Variants in AMOTL1 observed in about 807,000 individuals in gnomAD.
AMOTL1 encodes the protein angiomotin-like protein 1.
Under a neutral mutation model 102.9 loss-of-function variants are expected in AMOTL1, and 45 were observed. The ratio of observed to expected loss-of-function variants is 0.44; its 90% CI spans 0.34 to 0.56. AMOTL1 has a LOEUF of 0.56. Among genes scored for constraint, AMOTL1 ranks in the 20% least tolerant of loss-of-function variants. The probability of loss-of-function intolerance (pLI) is 0.01; values close to 1 mark genes in which losing one functional copy is unlikely to be tolerated. For synonymous variants in AMOTL1, 481 were observed against 484.7 expected (o/e 0.99, Z 0.10); for missense variants, 1,114 against 1,225.6 (o/e 0.91, Z 1.36).
chr11:94,839,972 T>A (rs1952263121), intron 6 of AMOTL1, among the ~76,000 whole-genome samples: 1 of 152,212 alleles, frequency 6.6e-6, no homozygotes, highest in South Asian at 2.1e-4. Context: ...GGCTTTTACA[T>A]CTATGTTTGA....
At chr11:94,830,921 G>A (rs887747982) in intron 5 of AMOTL1, among the ~76,000 whole-genome samples, 2 of 152,236 alleles carry the variant, frequency 1.3e-5, no homozygotes, top group African/African-American at 2.4e-5. Flanking sequence ...TACTTGTTGA[G>A]TTGGATTATT....
chr11:94,761,298 C>T (rs543955830), intron 3 of AMOTL1, among the ~76,000 whole-genome samples: 1 of 151,412 alleles, frequency 6.6e-6, no homozygotes, highest in Admixed American at 6.6e-5. Context: ...AAGTGATTTT[C>T]CTGCCTCCGT....
intron 6 of AMOTL1, among the ~76,000 whole-genome samples, chr11:94,841,566 C>T (rs1331687724): frequency 6.6e-6 from 1 of 152,182 alleles, no homozygotes; most frequent in Admixed American, 6.5e-5. Context: ...TGTATATAGT[C>T]GAAACCAAGA....
rs114712598 is a variant in AMOTL1 at position 94,850,446 on chromosome 11, C to A, written c.1794+187C>A. Among the ~76,000 whole-genome samples, 441 of 152,298 alleles carry A rather than the reference C, an allele frequency of 2.9e-3. 3 individuals are homozygous for A. Among genetic ancestry groups the A allele is most frequent in the African/African-American group, 0.01 (422 of 41,552 alleles). ...AGAGTCTATGCATTCTAGAGCCAGG[C>A]AAAGTATGAAAAGCACATGGGAATC... On this transcript the variant is annotated intron_variant, in intron 7 of 12. Transcript: ENST00000433060.
chr11:94,718,517 T>A (rs1266682325), intron 1 of AMOTL1, among the ~76,000 whole-genome samples: 1 of 152,010 alleles, frequency 6.6e-6, no homozygotes, highest in East Asian at 1.9e-4. Context: ...ATTTAAAAAC[T>A]GTTTTTAGCA....
chr11:94,806,337 T>C (rs1028045454), intron 3 of AMOTL1, among the ~76,000 whole-genome samples: 1 of 152,234 alleles, frequency 6.6e-6, no homozygotes. Context: ...GATGGTCCTG[T>C]CTTACTTTGT....
chr11:94,866,623 C>A, intron 11 of AMOTL1: 1 of 181,260 alleles, frequency 5.5e-6, no homozygotes, highest in Non-Finnish European at 1.2e-5. Flanking sequence ...AGAGTGTCTG[C>A]CTGCTTTACC....
chr11:94,845,900 T>G (rs1477109602), intron 6 of AMOTL1, among the ~76,000 whole-genome samples: 1 of 152,226 alleles, frequency 6.6e-6, no homozygotes, highest in African/African-American at 2.4e-5. Context: ...TCAACTTGCC[T>G]GTTCTAGGAA....
At chr11:94,763,531 A>C (rs149135771), upstream of AMOTL1, among the ~76,000 whole-genome samples, 2,321 of 152,296 alleles carry the variant, frequency 0.015, 33 homozygotes, top group Non-Finnish European at 0.022. Context: ...TGAAAATCCA[A>C]ATATAACTTC....
chr11:94,708,141 T>C (rs1358233292), intron 1 of AMOTL1, among the ~76,000 whole-genome samples: 1 of 152,202 alleles, frequency 6.6e-6, no homozygotes, highest in Non-Finnish European at 1.5e-5. Context: ...GTTATTGCAT[T>C]ATCCCCTTAG....
Position 94,875,232 on chromosome 11 carries a change from A to G in AMOTL1, c.*4437A>G, listed in dbSNP as rs1953075583. 1 of 152,256 alleles carries G rather than the reference A, an allele frequency of 6.6e-6. No individual in the cohort carries two copies. The highest frequency in any genetic ancestry group is 6.5e-5 in the Admixed American group (1 of 15,292). The allele number at this position is 152,256 out of a possible 1,614,324, so 9.4% of individuals were successfully genotyped here. Reference sequence around the variant, plus strand: ...ATGGGAGATAGGCAAAGTAATTAAGAAGTTACCAGAAATTGGTCGGCTGGG... The same window carrying G: ...ATGGGAGATAGGCAAAGTAATTAAGGAGTTACCAGAAATTGGTCGGCTGGG... On this transcript the variant is annotated 3_prime_UTR_variant, in exon 13 of 13. Transcript: ENST00000433060.
intron 1 of AMOTL1, among the ~76,000 whole-genome samples, chr11:94,716,675 G>A (rs1476126627): frequency 6.6e-6 from 1 of 152,086 alleles, no homozygotes; most frequent in African/African-American, 2.4e-5. Flanking sequence ...AGGAAGGGAC[G>A]GGTCCTGTTC....
intron 3 of AMOTL1, among the ~76,000 whole-genome samples, chr11:94,818,950 G>A (rs1951813996): frequency 6.6e-6 from 1 of 152,122 alleles, no homozygotes; most frequent in Admixed American, 6.5e-5. Context: ...GTGGACTTCA[G>A]ATAATATGGC....
chr11:94,845,547 C>T (rs1952393670), intron 6 of AMOTL1, among the ~76,000 whole-genome samples: 2 of 152,180 alleles, frequency 1.3e-5, no homozygotes, highest in African/African-American at 4.8e-5. Flanking sequence ...TACTATGTGC[C>T]AAGTCCTGTG....
Position 94,864,722 on chromosome 11 carries a change from C to T in AMOTL1, c.2136-13C>T. On this transcript the variant is annotated splice_polypyrimidine_tract_variant and intron_variant, in intron 9 of 12. Transcript: ENST00000433060. The stretch of plus-strand genomic sequence containing the variant: ...GGTTTCCTATGATCAAACGCATATC[C>T]TTGTGTTGCCAGGGACACCACGATC... The T allele has an allele frequency of 6.2e-7, 1 of 1,611,710 alleles. No individual in the cohort carries two copies. The highest frequency in any genetic ancestry group is 8.5e-7 in the Non-Finnish European group (1 of 1,178,580).
rs1306806432 is a variant in AMOTL1, at chr11:94,873,755, A to G, written c.*2960A>G. ...TTGGCAGTCTCTATGCCTGTCTGTG[A>G]TGTGTGTGTGCACGTGTAACTACAC... On this transcript the variant is annotated 3_prime_UTR_variant, in exon 13 of 13. Transcript: ENST00000433060. The G allele has an allele frequency of 6.7e-6, 1 of 148,414 alleles. No homozygotes were observed. Among genetic ancestry groups the G allele is most frequent in the Admixed American group, 6.8e-5 (1 of 14,700 alleles). 9.2% of individuals were successfully genotyped at this position (148,414 alleles called of 1,614,324 possible).
chr11:94,771,502 ATGTTT>A, intron 1 of AMOTL1, among the ~76,000 whole-genome samples: 1 of 152,090 alleles, frequency 6.6e-6, no homozygotes, highest in Non-Finnish European at 1.5e-5. Flanking sequence ...TTGTGGTTTT[ATGTTT>A]TGTTTTGTTT....
chr11:94,713,530 T>G (rs972119170), intron 1 of AMOTL1, among the ~76,000 whole-genome samples: 3 of 151,826 alleles, frequency 2.0e-5, no homozygotes, highest in African/African-American at 7.3e-5. Context: ...TCTGCACTTA[T>G]GTGAGTCTTC....
intron 1 of AMOTL1, among the ~76,000 whole-genome samples, chr11:94,707,254 G>C (rs906785833): frequency 1.2e-4 from 10 of 84,782 alleles, no homozygotes; most frequent in African/African-American, 3.2e-4. Context: ...CTCTCTCTGT[G>C]TGTGTGTGTG....
Sources: gnomAD v4.1 joint callset for allele counts (sites outside exome capture counted in the v4.1 genomes callset) on GRCh38, gnomAD v4.1.1 for gene constraint, MANE v1.5 for transcripts, NCBI Gene and HGNC (gene_info 2026-07-23, HGNC 2026-07-21) for gene names.